HPCAL1: variants seen among roughly 807,000 people sequenced by gnomAD.
HPCAL1 encodes hippocalcin like 1, also known as hippocalcin-like protein 1.
In HPCAL1, 8 loss-of-function variants were observed where a neutral mutation model predicts 17.1. That is an observed-to-expected ratio of 0.47 (90% CI 0.27 to 0.84). The LOEUF is 0.84. HPCAL1 is among the 40% of genes least tolerant of loss of function. HPCAL1 has a pLI of 0.13. For missense variants in HPCAL1, 165 were observed against 271.1 expected, an observed-to-expected ratio of 0.61 and a Z score of 2.75; for synonymous variants, 112 against 111.4, an observed-to-expected ratio of 1.01 and a Z score of -0.03.
intron 1 of HPCAL1, among the ~76,000 whole-genome samples, chr2:10,385,111 A>C (rs1192801142): frequency 6.7e-6 from 1 of 150,316 alleles, no homozygotes; most frequent in African/African-American, 2.4e-5. Context: ...AAAAAAAAAA[A>C]AGATAGAGGT....
chr2:10,402,464 G>A (rs1467551443), intron 2 of HPCAL1, among the ~76,000 whole-genome samples: 1 of 152,106 alleles, frequency 6.6e-6, no homozygotes, highest in Non-Finnish European at 1.5e-5. Flanking sequence ...TGGCTTTTAT[G>A]AGCTGCCCCA....
In HPCAL1 at chr2:10,361,578, A is replaced by G. The variant is rs543304707; in HGVS notation, c.-110-35257A>G. Among the ~76,000 whole-genome samples, 3 of 152,284 alleles carry G rather than the reference A, an allele frequency of 2.0e-5. No homozygotes were observed. The East Asian group carries it at 5.8e-4, about 29-fold the overall frequency. ...CAGGTGTGAAAGCCCTTCTTATGTTATCAGTATTACCCTAATATATCAGAG... is the reference window on the plus strand; with the variant it reads ...CAGGTGTGAAAGCCCTTCTTATGTTGTCAGTATTACCCTAATATATCAGAG... On this transcript the variant is annotated intron_variant, in intron 1 of 4. Coordinates refer to ENST00000307845, the MANE Select transcript of HPCAL1 (RefSeq NM_002149.4).
intron 1 of HPCAL1, among the ~76,000 whole-genome samples, chr2:10,366,033 G>A (rs917580194): frequency 1.3e-5 from 2 of 152,110 alleles, no homozygotes; most frequent in Admixed American, 1.3e-4. Context: ...CCAGCAGCAC[G>A]CCTCCCGCAG....
Position 10,304,656 on chromosome 2 carries a change from C to T in HPCAL1, c.-111+1479C>T, listed in dbSNP as rs147818266. 7.8e-4 allele frequency among the ~76,000 whole-genome samples: 119 copies of T among 152,386 alleles called. No homozygotes were observed. The highest frequency in any genetic ancestry group is 2.7e-3 in the African/African-American group (114 of 41,592). On this transcript the variant is annotated intron_variant, in intron 1 of 4. Transcript: ENST00000307845. The surrounding 1 kb of genome is among the most constrained non-coding windows in gnomAD (Gnocchi z 4.1). ...CGAGCACCCAGCTCTTACCACGACT[C>T]ACTCTCTGGAGAGTTCTGGCGCCTC...
At chr2:10,385,998 G>A (rs11903785) in intron 1 of HPCAL1, among the ~76,000 whole-genome samples, 5 of 152,188 alleles carry the variant, frequency 3.3e-5, no homozygotes, top group African/African-American at 9.6e-5. Flanking sequence ...TGGGTTTTAC[G>A]GCTGTCTGGC....
intron 1 of HPCAL1, among the ~76,000 whole-genome samples, chr2:10,396,019 C>A (rs115061266): frequency 1.3e-3 from 199 of 152,302 alleles, no homozygotes; most frequent in African/African-American, 4.4e-3. Flanking sequence ...GGGAGGCGGG[C>A]CCGTCCCGAG....
intron 1 of HPCAL1, among the ~76,000 whole-genome samples, chr2:10,315,255 TGCACTCCA>T (rs1427571038): frequency 6.7e-6 from 1 of 149,576 alleles, no homozygotes; most frequent in Non-Finnish European, 1.5e-5. Flanking sequence ...ATCGCGCCAC[TGCACTCCA>T]GCCTGGGCAA....
rs1337514525 is a variant in HPCAL1, at chr2:10,354,938, C to T, written c.-110-41897C>T. Among the ~76,000 whole-genome samples, 6 of 152,232 alleles carry T rather than the reference C, an allele frequency of 3.9e-5. No individual in the cohort carries two copies. Among genetic ancestry groups the T allele is most frequent in the Admixed American group, 2.0e-4 (3 of 15,286 alleles). ...ATTCAACAAGCCCCTGGGCACCCACCGTGCACCAGGCACTGTGTTAGGTGC... is the reference window on the plus strand; with the variant it reads ...ATTCAACAAGCCCCTGGGCACCCACTGTGCACCAGGCACTGTGTTAGGTGC... On this transcript the variant is annotated intron_variant, in intron 1 of 4. Coordinates refer to ENST00000307845, the MANE Select transcript of HPCAL1 (RefSeq NM_002149.4). This position sits in a 1 kb window ranked among gnomAD's most constrained non-coding sequence, Gnocchi z 5.1.
Position 10,384,147 on chromosome 2 carries a change from C to A in HPCAL1, c.-110-12688C>A, listed in dbSNP as rs1360988436. ...AATAAACTTCCCAATCCTAGGCAGA[C>A]AAAAGAACAACCCCAGACCTCCTCC... On this transcript the variant is annotated intron_variant, in intron 1 of 4. Transcript: ENST00000307845. The surrounding 1 kb of genome is among the most constrained non-coding windows in gnomAD (Gnocchi z 4.4). 6.6e-6 allele frequency among the ~76,000 whole-genome samples: 1 copy of A among 152,114 alleles called. No homozygotes were observed. The highest frequency in any genetic ancestry group is 2.4e-5 in the African/African-American group (1 of 41,416).
At chr2:10,369,776 G>A (rs554266738) in intron 1 of HPCAL1, among the ~76,000 whole-genome samples, 10 of 152,324 alleles carry the variant, frequency 6.6e-5, no homozygotes, top group Middle Eastern at 3.4e-3. Flanking sequence ...TGAATATGCC[G>A]TGTTCGGATC....
At chr2:10,319,757 A>T (rs186556749) in intron 1 of HPCAL1, among the ~76,000 whole-genome samples, 2 of 151,894 alleles carry the variant, frequency 1.3e-5, no homozygotes, top group Non-Finnish European at 2.9e-5. Context: ...TCATTCACTC[A>T]TTCATTCACA....
intron 2 of HPCAL1, among the ~76,000 whole-genome samples, chr2:10,404,707 G>C (rs1198418114): frequency 6.6e-6 from 1 of 152,208 alleles, no homozygotes; most frequent in Non-Finnish European, 1.5e-5. Flanking sequence ...GCTGTGGCAT[G>C]ACTGGGCTTC....
chr2:10,399,271 C>CCACCACCACCACCACCACCACCAT (rs1572816035), intron 2 of HPCAL1, among the ~76,000 whole-genome samples: 1 of 87,792 alleles, frequency 1.1e-5, no homozygotes, highest in East Asian at 3.4e-4. Context: ...ATCACCACCA[C>CCACCACCACCACCACCACCACCAT]CACCACCATC....
At chr2:10,338,263 G>C (rs761478221) in intron 1 of HPCAL1, among the ~76,000 whole-genome samples, 7 of 152,084 alleles carry the variant, frequency 4.6e-5, no homozygotes, top group Non-Finnish European at 8.8e-5. Flanking sequence ...TAGTGGTGGT[G>C]GCTGTAGGAC....
At chr2:10,353,168 TCA>T (rs1665931015) in intron 1 of HPCAL1, among the ~76,000 whole-genome samples, 1 of 152,220 alleles carries the variant, frequency 6.6e-6, no homozygotes, top group South Asian at 2.1e-4. Flanking sequence ...TTTCTGCACC[TCA>T]GTTTCCTCAT....
At chr2:10,405,603 G>T (rs752362990) in intron 2 of HPCAL1, among the ~76,000 whole-genome samples, 1 of 152,238 alleles carries the variant, frequency 6.6e-6, no homozygotes, top group Non-Finnish European at 1.5e-5. Flanking sequence ...CATCTGACGC[G>T]TAGATCTTCC....
intron 1 of HPCAL1, among the ~76,000 whole-genome samples, chr2:10,308,427 G>A (rs185253785): frequency 8.0e-4 from 122 of 152,116 alleles, no homozygotes; most frequent in African/African-American, 2.7e-3. Context: ...CCCTGTCCCC[G>A]TCCTCAAGCC....
intron 1 of HPCAL1, among the ~76,000 whole-genome samples, chr2:10,366,675 C>A (rs1241660781): frequency 6.6e-6 from 1 of 152,228 alleles, no homozygotes; most frequent in Non-Finnish European, 1.5e-5. Flanking sequence ...TCCCGCCCTG[C>A]AGCTCAAGCT....
intron 1 of HPCAL1, among the ~76,000 whole-genome samples, chr2:10,327,175 TC>T (rs769195486): frequency 6.6e-6 from 1 of 152,122 alleles, no homozygotes; most frequent in Non-Finnish European, 1.5e-5. Flanking sequence ...AGCTTCACCT[TC>T]CCCCAACTCC....
Sources: gnomAD v4.1 joint callset for allele counts (sites outside exome capture counted in the v4.1 genomes callset) on GRCh38, gnomAD v4.1.1 for gene constraint, Gnocchi (gnomAD v3.1) non-coding constraint, MANE v1.5 for transcripts, NCBI Gene and HGNC (gene_info 2026-07-23, HGNC 2026-07-21) for gene names.